The following DOCK2 variants were observed in gnomAD, a reference collection of about 807,000 sequenced individuals.
DOCK2 encodes dedicator of cytokinesis protein 2.
In DOCK2, 87 loss-of-function variants were observed where a neutral mutation model predicts 248.9. The ratio of observed to expected loss-of-function variants is 0.35; its 90% CI spans 0.29 to 0.42. The LOEUF (loss-of-function observed/expected upper bound fraction) is 0.42. Among genes scored for constraint, DOCK2 ranks in the 10% least tolerant of loss-of-function variants. DOCK2 has a pLI of 1.00. For synonymous variants in DOCK2, 805 were observed against 821.6 expected (o/e 0.98, Z 0.35); for missense variants, 1,747 against 2,300.2 (o/e 0.76, Z 4.92).
chr5:170,030,488 T>C (rs1190626103), intron 34 of DOCK2, among the ~76,000 whole-genome samples: 1 of 152,142 alleles, frequency 6.6e-6, no homozygotes, highest in Non-Finnish European at 1.5e-5. Flanking sequence ...TTATTAGTAG[T>C]ACAGATTGAT....
At chr5:169,901,921 G>A (rs1301972872) in intron 27 of DOCK2, among the ~76,000 whole-genome samples, 1 of 152,084 alleles carries the variant, frequency 6.6e-6, no homozygotes, top group African/African-American at 2.4e-5. Flanking sequence ...ATGGCTCTGG[G>A]GACCACAGTG....
chr5:169,776,137 A>G lies in DOCK2; in HGVS notation c.2554+14512A>G, dbSNP rs988693723. 3.3e-4 allele frequency among the ~76,000 whole-genome samples: 47 copies of G among 142,398 alleles called. 1 individual carries two copies. The highest frequency in any genetic ancestry group is 1.1e-3 in the African/African-American group (43 of 37,950). The allele number at this position is 142,398 out of a possible 152,430, so 93.4% of individuals were successfully genotyped here. A position where few individuals can be genotyped will look rare whatever the true frequency, so the allele number is the denominator to read the frequency against. ...GTATCATATATATGATATGATATGAATCATATTATATTTATATAAATATAT... is the reference window on the plus strand; with the variant it reads ...GTATCATATATATGATATGATATGAGTCATATTATATTTATATAAATATAT... On this transcript the variant is annotated intron_variant, in intron 25 of 51. Transcript: ENST00000520908.
chr5:169,832,620 A>G (rs1438877580), intron 26 of DOCK2, among the ~76,000 whole-genome samples: 1 of 152,250 alleles, frequency 6.6e-6, no homozygotes, highest in Admixed American at 6.5e-5. Flanking sequence ...CCTAGAACTC[A>G]TGCAAAAATC....
intron 26 of DOCK2, among the ~76,000 whole-genome samples, chr5:169,828,376 A>T (rs944512168): frequency 6.6e-6 from 1 of 152,190 alleles, no homozygotes; most frequent in African/African-American, 2.4e-5. Context: ...TGGCTGAGGC[A>T]TAGGCTGCTG....
intron 26 of DOCK2, among the ~76,000 whole-genome samples, chr5:169,826,349 A>G (rs772178847): frequency 2.0e-5 from 3 of 152,158 alleles, no homozygotes; most frequent in African/African-American, 7.2e-5. Flanking sequence ...ATATTAGCAG[A>G]TAATCAAAGG....
At chr5:169,954,056 AC>A (rs1419527595) in intron 27 of DOCK2, among the ~76,000 whole-genome samples, 1 of 152,178 alleles carries the variant, frequency 6.6e-6, no homozygotes, top group Non-Finnish European at 1.5e-5. Flanking sequence ...ACTTTCAAAG[AC>A]CCTGAACACT....
rs187220094 is a variant in DOCK2 at position 169,882,683 on chromosome 5, G to A, written c.2799+41831G>A. The A allele has an allele frequency of 2.6e-3, 4,112 of 1,552,032 alleles. 11 individuals are homozygous for A. Among genetic ancestry groups the A allele is most frequent in the Non-Finnish European group, 3.2e-3 (3,678 of 1,147,044 alleles). ...CCTTGGAGGTCGCAGAGTTCACCCCGTGCCAGGTGAATTTGATTAATGTCA... is the reference window on the plus strand; with the variant it reads ...CCTTGGAGGTCGCAGAGTTCACCCCATGCCAGGTGAATTTGATTAATGTCA... On this transcript the variant is annotated intron_variant, in intron 27 of 51. Coordinates refer to ENST00000520908, the MANE Select transcript of DOCK2 (RefSeq NM_004946.3).
intron 6 of DOCK2, among the ~76,000 whole-genome samples, chr5:169,680,808 C>T (rs1759617576): frequency 6.6e-6 from 1 of 152,152 alleles, no homozygotes; most frequent in Non-Finnish European, 1.5e-5. Flanking sequence ...TACCTGTCCC[C>T]ACAGATAACC....
chr5:170,050,425 G>C, intron 41 of DOCK2, 28 bp downstream of exon 41: 4 of 1,607,490 alleles, frequency 2.5e-6, no homozygotes, highest in Non-Finnish European at 3.4e-6. Flanking sequence ...CCTAGCCAAG[G>C]GGCCAGACCT....
intron 27 of DOCK2, among the ~76,000 whole-genome samples, chr5:169,867,837 A>G (rs1049829578): frequency 6.6e-6 from 1 of 152,154 alleles, no homozygotes; most frequent in Non-Finnish European, 1.5e-5. Context: ...CATTCTCCCC[A>G]GTGGAAACTG....
chr5:169,771,761 A>T (rs543146179), intron 25 of DOCK2, among the ~76,000 whole-genome samples: 66 of 152,220 alleles, frequency 4.3e-4, no homozygotes, highest in Non-Finnish European at 8.4e-4. Context: ...AACACAATCA[A>T]ATCAATGTTT....
intron 27 of DOCK2, among the ~76,000 whole-genome samples, chr5:169,891,959 G>A (rs1471010783): frequency 9.7e-5 from 14 of 143,896 alleles, no homozygotes; most frequent in Non-Finnish European, 1.9e-4. Flanking sequence ...TTGTGCCATT[G>A]CACTCCAGCC....
chr5:169,785,252 A>G (rs530593584), intron 25 of DOCK2, among the ~76,000 whole-genome samples: 17 of 152,340 alleles, frequency 1.1e-4, no homozygotes, highest in South Asian at 2.1e-4. Flanking sequence ...ATTTGAAAAC[A>G]GAAACTAGTT....
intron 25 of DOCK2, among the ~76,000 whole-genome samples, chr5:169,800,090 C>T (rs748640716): frequency 3.6e-4 from 55 of 152,170 alleles, no homozygotes; most frequent in Non-Finnish European, 4.4e-4. Context: ...TAGGAGTGAG[C>T]TACCATGCTC....
At chr5:169,999,603 A>G (rs2113801317) in intron 30 of DOCK2, among the ~76,000 whole-genome samples, 1 of 152,264 alleles carries the variant, frequency 6.6e-6, no homozygotes, top group African/African-American at 2.4e-5. Context: ...GGCCAACATT[A>G]CAAAATAAAG....
chr5:169,995,445 G>T (rs890400710), intron 29 of DOCK2, among the ~76,000 whole-genome samples: 2 of 151,984 alleles, frequency 1.3e-5, no homozygotes, highest in Admixed American at 6.6e-5. Context: ...AAAAAACTGA[G>T]AAAAAAACCC....
At chr5:170,026,207 A>G (rs1755908794) in intron 33 of DOCK2, among the ~76,000 whole-genome samples, 1 of 152,162 alleles carries the variant, frequency 6.6e-6, no homozygotes, top group South Asian at 2.1e-4. Flanking sequence ...CTGCCTTTTC[A>G]TCACCTAAAG....
At chr5:169,924,470 G>C (rs1384208037) in intron 27 of DOCK2, among the ~76,000 whole-genome samples, 2 of 152,102 alleles carry the variant, frequency 1.3e-5, no homozygotes, top group Non-Finnish European at 2.9e-5. Flanking sequence ...CAGTAGAAAG[G>C]ACTTTTCTCA....
intron 25 of DOCK2, among the ~76,000 whole-genome samples, chr5:169,790,043 C>T (rs1436749636): frequency 1.3e-5 from 2 of 152,160 alleles, no homozygotes; most frequent in African/African-American, 4.8e-5. Flanking sequence ...TTCTTCAGAG[C>T]TGATATGGGG....
Sources: allele counts gnomAD v4.1 joint callset (sites outside exome capture counted in the v4.1 genomes callset), GRCh38; gene constraint gnomAD v4.1.1; transcripts MANE v1.5; gene names NCBI Gene and HGNC (gene_info 2026-07-23, HGNC 2026-07-21).